The following CCZ1B variants were observed in gnomAD, a reference collection of about 807,000 sequenced individuals.
The protein encoded by CCZ1B is CCZ1B vacuolar protein trafficking and biogenesis associated.
A neutral mutation model predicts 58.8 loss-of-function variants in CCZ1B; 25 were observed. The observed-to-expected ratio is 0.43, with a 90% CI of 0.31 to 0.59. The LOEUF is 0.59. Ranked by LOEUF, CCZ1B falls within the 20% of genes least tolerant of loss-of-function variation. The pLI, the probability that CCZ1B is intolerant of heterozygous loss-of-function variation, is 0.12. For missense variants in CCZ1B, 180 were observed against 501.5 expected, an observed-to-expected ratio of 0.36 and a Z score of 6.12; for synonymous variants, 66 against 173.2, an observed-to-expected ratio of 0.38 and a Z score of 4.86.
At chr7:6,818,871 T>G (rs1455491388) in intron 7 of CCZ1B, among the ~76,000 whole-genome samples, 1 of 148,802 alleles carries the variant, frequency 6.7e-6, no homozygotes, top group East Asian at 1.9e-4. Flanking sequence ...GGGTCATATA[T>G]GCTGGGCAGT....
intron 4 of CCZ1B, 105 bp from the exon 5 acceptor site, chr7:6,823,465 T>C: frequency 6.7e-7 from 1 of 1,493,462 alleles, no homozygotes; most frequent in Non-Finnish European, 9.0e-7. Flanking sequence ...GTATAATGTT[T>C]ATAAACTTCA....
Position 6,815,411 on chromosome 7 carries a change from C to T in CCZ1B, c.699-566G>A, listed in dbSNP as rs188598345. Among the ~76,000 whole-genome samples the T allele has an allele frequency of 6.1e-4, 91 of 149,602 alleles. 1 individual carries two copies. In the East Asian group the frequency reaches 0.013, roughly 22 times the overall value. ...CTCCTGGACTCAAGCAGTGCTCCCG[C>T]CTCAGCCTCCTAAAGTGCTGGGATT... On this transcript the variant is annotated intron_variant, in intron 7 of 14. Transcript: ENST00000316731.
At chr7:6,818,589 CAGACAGAAAGA>C (rs1182537020) in intron 7 of CCZ1B, among the ~76,000 whole-genome samples, 3 of 109,318 alleles carry the variant, frequency 2.7e-5, no homozygotes, top group African/African-American at 7.2e-5. Context: ...GAAAGAAAGA[CAGACAGAAAGA>C]AAGAAAGAAA....
In CCZ1B at chr7:6,809,534, T is replaced by C. The variant is rs1013465001; in HGVS notation, c.954+2418A>G. Reference sequence around the variant, plus strand: ...GGGTCATTCAAAGGAGGATGATTTTTTTCTTGAGATGGGGTCTCAAACTTT... The same window carrying C: ...GGGTCATTCAAAGGAGGATGATTTTCTTCTTGAGATGGGGTCTCAAACTTT... On this transcript the variant is annotated intron_variant, in intron 10 of 14. Coordinates refer to ENST00000316731, the MANE Select transcript of CCZ1B (RefSeq NM_198097.5). 3.5e-5 allele frequency among the ~76,000 whole-genome samples: 5 copies of C among 143,432 alleles called. 1 individual carries two copies. The highest frequency in any genetic ancestry group is 1.4e-4 in the African/African-American group (5 of 36,002). 94.1% of individuals were successfully genotyped at this position (143,432 alleles called of 152,430 possible).
chr7:6,816,603 G>C (rs1260049562), intron 7 of CCZ1B, among the ~76,000 whole-genome samples: 1 of 150,908 alleles, frequency 6.6e-6, no homozygotes, highest in Admixed American at 6.6e-5. Flanking sequence ...ATATTGTCCA[G>C]GCTGGTCTCC....
In CCZ1B at chr7:6,822,370, G is replaced by A. The variant is rs761555597; in HGVS notation, c.439-6C>T. 75 of 1,587,754 alleles carry A rather than the reference G, an allele frequency of 4.7e-5. 2 individuals carry two copies. The highest frequency in any genetic ancestry group is 6.0e-5 in the Non-Finnish European group (70 of 1,172,758). ...AGAAATGTACCATTAAAAAGCTAGTGAGGTAAAAGATTGCAGAAAAAAAAA... is the reference window on the plus strand; with the variant it reads ...AGAAATGTACCATTAAAAAGCTAGTAAGGTAAAAGATTGCAGAAAAAAAAA... On this transcript the variant is annotated splice_polypyrimidine_tract_variant and splice_region_variant and intron_variant, in intron 5 of 14. Transcript: ENST00000316731.
chr7:6,813,552 A>G (rs1782951321), intron 8 of CCZ1B, among the ~76,000 whole-genome samples: 1 of 149,414 alleles, frequency 6.7e-6, no homozygotes, highest in Non-Finnish European at 1.5e-5. Flanking sequence ...ATCTCTTAAA[A>G]AAAATATTGG....
chr7:6,815,946 C>T (rs1436742225), intron 7 of CCZ1B, among the ~76,000 whole-genome samples: 2 of 145,512 alleles, frequency 1.4e-5, no homozygotes, highest in South Asian at 2.3e-4. Flanking sequence ...AGACAGGGAA[C>T]GTGATCCTAG....
intron 10 of CCZ1B, among the ~76,000 whole-genome samples, chr7:6,810,670 G>A (rs908667482): frequency 2.7e-5 from 4 of 148,848 alleles, no homozygotes; most frequent in Non-Finnish European, 4.4e-5. Flanking sequence ...TGCCCAGGCT[G>A]GCCTCCAACT....
At position 6,815,910 on chromosome 7, in the gene CCZ1B, C is replaced by A. The variant is rs562966201; in HGVS notation, c.699-1065G>T. Reference sequence around the variant, plus strand: ...GTAATGCCACATTCTCTCCCCTAGTCCCCTGGGAAAATATGGGTATGCTGT... The same window carrying A: ...GTAATGCCACATTCTCTCCCCTAGTACCCTGGGAAAATATGGGTATGCTGT... On this transcript the variant is annotated intron_variant, in intron 7 of 14. Coordinates refer to ENST00000316731, the MANE Select transcript of CCZ1B (RefSeq NM_198097.5). 3.3e-3 allele frequency among the ~76,000 whole-genome samples: 476 copies of A among 145,634 alleles called. 8 individuals are homozygous for A. Among genetic ancestry groups the A allele is most frequent in the Non-Finnish European group, 4.8e-3 (320 of 66,880 alleles).
At chr7:6,823,269 G>A in intron 5 of CCZ1B, 44 bp downstream of exon 5, 1 of 1,602,548 alleles carries the variant, frequency 6.2e-7, no homozygotes, top group Non-Finnish European at 8.5e-7. Context: ...TAGAGATAGG[G>A]GTAAGTGGTT....
chr7:6,810,105 G>A (rs373294188), intron 10 of CCZ1B, among the ~76,000 whole-genome samples: 1 of 150,356 alleles, frequency 6.7e-6, no homozygotes, highest in Non-Finnish European at 1.5e-5. Flanking sequence ...TCCGCCTCGC[G>A]GGTACAAGTG....
intron 7 of CCZ1B, among the ~76,000 whole-genome samples, chr7:6,818,678 A>AC (rs368688325): frequency 0.13 from 8,845 of 69,448 alleles, 680 homozygotes; most frequent in South Asian, 0.31. Context: ...AGAAAGAAAG[A>AC]AAGAAAGAAA....
chr7:6,800,779 T>C lies in CCZ1B; in HGVS notation c.1393+169A>G, dbSNP rs1269171925. Among the ~76,000 whole-genome samples the C allele has an allele frequency of 1.5e-5, 2 of 135,632 alleles. 1 individual carries two copies. The highest frequency in any genetic ancestry group is 5.8e-5 in the African/African-American group (2 of 34,496). The allele number at this position is 135,632 out of a possible 152,430, so 89.0% of individuals were successfully genotyped here. ...AAGTTTCCTGTGCTACAGGAAGGTC[T>C]TGTCATAGTTTTCCAAGGAACAGAA... On this transcript the variant is annotated intron_variant, in intron 14 of 14. Transcript: ENST00000316731.
chr7:6,822,525 G>A, intron 5 of CCZ1B, 161 bp from the exon 6 acceptor site: 1 of 1,296,754 alleles, frequency 7.7e-7, no homozygotes, highest in Non-Finnish European at 1.0e-6. Context: ...AGTTAAAAAT[G>A]TAAGTTACAA....
chr7:6,821,617 T>C (rs1419935734), intron 6 of CCZ1B, among the ~76,000 whole-genome samples: 1 of 151,008 alleles, frequency 6.6e-6, no homozygotes, highest in Non-Finnish European at 1.5e-5. Context: ...GCTAGGCGAG[T>C]TGGCTCACGC....
chr7:6,824,788 A>G, intron 1 of CCZ1B, 51 bp from the exon 2 acceptor site: 1 of 1,511,276 alleles, frequency 6.6e-7, no homozygotes, highest in Non-Finnish European at 9.0e-7. Context: ...ATTTCATCTT[A>G]GCTATTGAAA....
At position 6,819,918 on chromosome 7, in the gene CCZ1B, C is replaced by A. The variant is rs374231089; in HGVS notation, c.546G>T (p.Gln182His). 40 of 1,605,672 alleles carry A rather than the reference C, an allele frequency of 2.5e-5. 3 individuals carry two copies. The highest frequency in any genetic ancestry group is 3.4e-5 in the Non-Finnish European group (40 of 1,176,988). Residue 182 changes from glutamine to histidine, a missense_variant, in exon 7 of 15, where the codon CAG becomes CAT. Gln to His is a conservative substitution (Grantham distance 24). Transcript: ENST00000316731. Reference protein sequence around the residue: ...FHRYLQTLHLQSCDLLDIFGG... With the variant: ...FHRYLQTLHLHSCDLLDIFGG... ...CAAAAATGTCAAGTAGGTCACATGACTGCAAATGTAGCGTTTGCAAATACT... is the reference window on the plus strand; with the variant it reads ...CAAAAATGTCAAGTAGGTCACATGAATGCAAATGTAGCGTTTGCAAATACT...
At chr7:6,820,637 C>G (rs1783093688) in intron 6 of CCZ1B, among the ~76,000 whole-genome samples, 1 of 148,878 alleles carries the variant, frequency 6.7e-6, no homozygotes, top group Non-Finnish European at 1.5e-5. Context: ...GTATTTAATT[C>G]CTGGCCAGGC....
Sources: gnomAD v4.1 joint callset for allele counts (sites outside exome capture counted in the v4.1 genomes callset) on GRCh38, gnomAD v4.1.1 for gene constraint, MANE v1.5 for transcripts, NCBI Gene and HGNC (gene_info 2026-07-23, HGNC 2026-07-21) for gene names.